MTUS1: variants seen among roughly 807,000 people sequenced by gnomAD.
MTUS1 encodes the protein microtubule associated scaffold protein 1, also known as microtubule-associated tumor suppressor 1.
Under a neutral mutation model 120.8 loss-of-function variants are expected in MTUS1, and 109 were observed. The ratio of observed to expected loss-of-function variants is 0.90; its 90% confidence interval spans 0.77 to 1.06. The LOEUF (loss-of-function observed/expected upper bound fraction) is 1.06. MTUS1 is among the 50% of genes least tolerant of loss of function. The probability of loss-of-function intolerance (pLI) is 0.00; values close to 1 mark genes in which losing one functional copy is unlikely to be tolerated. For synonymous variants in MTUS1, 737 were observed against 550.5 expected (o/e 1.34, Z -4.74); for missense variants, 2,210 against 1,486.3 (o/e 1.49, Z -8.01).
chr8:17,766,791 G>A lies in MTUS1; in HGVS notation c.-154-10830C>T, dbSNP rs544908713. ...ATGGATGTTAAAATTTTATTTTCTT[G>A]TTTTGGTAGGTAGATTGAATTGAGA... is the stretch of plus-strand genomic sequence containing the variant. On this transcript the variant is annotated intron_variant, in intron 1 of 14. Coordinates refer to ENST00000693296, the MANE Select transcript of MTUS1 (RefSeq NM_001363059.2). 2.6e-3 allele frequency among the ~76,000 whole-genome samples: 389 copies of A among 152,128 alleles called. 1 individual carries two copies. The highest frequency in any genetic ancestry group is 4.2e-3 in the Non-Finnish European group (284 of 67,996).
chr8:17,723,793 C>T lies in MTUS1; in HGVS notation c.2328G>A (p.Val776=). The change falls in exon 4 of 15, where the codon GTG becomes GTA. Residue 776 remains valine, a synonymous_variant. Coordinates refer to ENST00000693296, the MANE Select transcript of MTUS1 (RefSeq NM_001363059.2). ...TSLKTAQSSW[V]NLPRPLPKSK... is the part of the protein sequence containing the mutation. ...ATTTAGGAAGTGGTCTAGGCAAATT[C>T]ACCCATGACGACTGTGCAGTTTTCA... The T allele has an allele frequency of 6.2e-7, 1 of 1,608,714 alleles. No homozygotes were observed. The highest frequency in any genetic ancestry group is 2.2e-5 in the East Asian group (1 of 44,868).
intron 3 of MTUS1, among the ~76,000 whole-genome samples, chr8:17,742,976 C>T (rs573693258): frequency 1.3e-5 from 2 of 152,114 alleles, no homozygotes; most frequent in South Asian, 4.2e-4. Context: ...TTTTCATCCC[C>T]GTGACACAGG....
chr8:17,759,573 T>C (rs1480386769), intron 1 of MTUS1, among the ~76,000 whole-genome samples: 1 of 148,868 alleles, frequency 6.7e-6, no homozygotes, highest in East Asian at 1.9e-4. Context: ...CTTTATAATG[T>C]GCATGTTACT....
intron 2 of MTUS1, among the ~76,000 whole-genome samples, chr8:17,748,682 C>T (rs182616730): frequency 1.9e-4 from 29 of 152,306 alleles, no homozygotes; most frequent in African/African-American, 6.7e-4. Context: ...TGGCTGGATC[C>T]TGTACTCACT....
At chr8:17,683,035 G>A (rs1336017361) in intron 7 of MTUS1, among the ~76,000 whole-genome samples, 1 of 152,232 alleles carries the variant, frequency 6.6e-6, no homozygotes, top group East Asian at 1.9e-4. Flanking sequence ...GACTTTGGGA[G>A]GCCGAGGCAG....
At chr8:17,757,588 G>A (rs1003042791) in intron 1 of MTUS1, among the ~76,000 whole-genome samples, 1 of 152,288 alleles carries the variant, frequency 6.6e-6, no homozygotes, top group South Asian at 2.1e-4. Context: ...GTGCAGTGAT[G>A]CAATCTCGGC....
At chr8:17,677,368 G>C (rs989133466) in intron 7 of MTUS1, among the ~76,000 whole-genome samples, 1 of 152,088 alleles carries the variant, frequency 6.6e-6, no homozygotes, top group Non-Finnish European at 1.5e-5. Flanking sequence ...AAACAATCCT[G>C]AAACTCATTT....
chr8:17,769,510 G>C (rs2049851944), intron 1 of MTUS1, among the ~76,000 whole-genome samples: 1 of 150,632 alleles, frequency 6.6e-6, no homozygotes, highest in Non-Finnish European at 1.5e-5. Context: ...ACCACGCCCA[G>C]ATAATTTTTT....
intron 4 of MTUS1, among the ~76,000 whole-genome samples, chr8:17,719,925 A>C (rs892754573): frequency 1.3e-5 from 2 of 152,212 alleles, no homozygotes; most frequent in Non-Finnish European, 2.9e-5. Context: ...AAAGGGTCAG[A>C]AATGTTTGTT....
At position 17,754,020 on chromosome 8, in the gene MTUS1, A is replaced by G. The variant is rs760976911; in HGVS notation, c.1788T>C (p.Asn596=). 7.4e-6 allele frequency: 12 copies of G among 1,614,034 alleles called. No individual in the cohort carries two copies. Among genetic ancestry groups the G allele is most frequent in the Non-Finnish European group, 1.0e-5 (12 of 1,180,044 alleles). ...TTGTTCTTGGAACCCTGTGTGAAGC[A>G]TTTTTAGAATGAGTTGTAACATGCA... ...QAVHVTTHSK[N]ASHRVPRTTS... The change falls in exon 2 of 15, where the codon AAT becomes AAC. Residue 596 remains asparagine (N), a synonymous_variant. Coordinates refer to ENST00000693296, the MANE Select transcript of MTUS1 (RefSeq NM_001363059.2).
At chr8:17,709,868 A>G (rs575919348) in intron 6 of MTUS1, among the ~76,000 whole-genome samples, 29 of 151,998 alleles carry the variant, frequency 1.9e-4, no homozygotes, top group South Asian at 1.7e-3. Flanking sequence ...TTAGCCGGGC[A>G]TGGTGGCGAG....
chr8:17,709,749 C>T (rs1227817223), intron 6 of MTUS1, among the ~76,000 whole-genome samples: 1 of 152,180 alleles, frequency 6.6e-6, no homozygotes, highest in African/African-American at 2.4e-5. Context: ...TGGCTCACAC[C>T]TGTAATCCCA....
chr8:17,689,347 A>T (rs1816494264), intron 6 of MTUS1, among the ~76,000 whole-genome samples: 1 of 151,930 alleles, frequency 6.6e-6, no homozygotes, highest in Non-Finnish European at 1.5e-5. Flanking sequence ...AATAGCTCAT[A>T]TTATATCAAA....
chr8:17,695,583 G>C (rs1240061739), intron 6 of MTUS1, among the ~76,000 whole-genome samples: 1 of 152,134 alleles, frequency 6.6e-6, no homozygotes, highest in African/African-American at 2.4e-5. Context: ...GTTTGCTTAC[G>C]CTGTCTTGGA....
At chr8:17,684,054 A>G (rs531521135) in intron 7 of MTUS1, among the ~76,000 whole-genome samples, 7 of 152,358 alleles carry the variant, frequency 4.6e-5, no homozygotes, top group African/African-American at 1.7e-4. Context: ...GTCTAGAGGC[A>G]TACACCGGCG....
intron 6 of MTUS1, chr8:17,705,825 G>A (rs191708908): frequency 6.6e-6 from 1 of 152,266 alleles, no homozygotes; most frequent in Non-Finnish European, 1.5e-5. Flanking sequence ...TCTGGCACCT[G>A]AGAGTGATGA....
intron 1 of MTUS1, among the ~76,000 whole-genome samples, chr8:17,785,055 G>A (rs1441003567): frequency 6.6e-6 from 1 of 152,110 alleles, no homozygotes; most frequent in East Asian, 1.9e-4. Flanking sequence ...AAAGTGCTGG[G>A]ATTACAGGTG....
chr8:17,743,395 T>C (rs2047485886), intron 3 of MTUS1, among the ~76,000 whole-genome samples: 1 of 152,176 alleles, frequency 6.6e-6, no homozygotes. Flanking sequence ...AGATGGTTTA[T>C]ACACCTATAC....
chr8:17,779,481 G>T (rs1345002771), intron 1 of MTUS1, among the ~76,000 whole-genome samples: 1 of 152,166 alleles, frequency 6.6e-6, no homozygotes, highest in Non-Finnish European at 1.5e-5. Context: ...TAAAAGATTT[G>T]TTGTATTTGT....
Sources: allele counts gnomAD v4.1 joint callset (sites outside exome capture counted in the v4.1 genomes callset), GRCh38; gene constraint gnomAD v4.1.1; transcripts MANE v1.5; gene names NCBI Gene and HGNC (gene_info 2026-07-23, HGNC 2026-07-21).